Variants in MAP3K5 observed in about 807,000 individuals in gnomAD.
The protein encoded by MAP3K5 is mitogen-activated protein kinase kinase kinase 5.
MAP3K5 carries 56 observed loss-of-function variants against 158.7 expected under a neutral mutation model. The ratio of observed to expected loss-of-function variants is 0.35; its 90% CI spans 0.28 to 0.44. The LOEUF is 0.44. MAP3K5 is among the 20% of genes least tolerant of loss of function. The probability of loss-of-function intolerance (pLI) is 1.00; values close to 1 mark genes in which losing one functional copy is unlikely to be tolerated. For missense variants in MAP3K5, 1,294 were observed against 1,674.8 expected, an observed-to-expected ratio of 0.77 and a Z score of 3.97; for synonymous variants, 579 against 601.7, an observed-to-expected ratio of 0.96 and a Z score of 0.55.
chr6:136,778,950 G>C (rs1244288956), intron 1 of MAP3K5, among the ~76,000 whole-genome samples: 1 of 152,156 alleles, frequency 6.6e-6, no homozygotes, highest in Non-Finnish European at 1.5e-5. Context: ...AGGATCACTT[G>C]ACCTCAGGAG....
chr6:136,733,913 G>T (rs1782338385), intron 1 of MAP3K5, among the ~76,000 whole-genome samples: 1 of 152,000 alleles, frequency 6.6e-6, no homozygotes, highest in Admixed American at 6.6e-5. Context: ...CATAATTATA[G>T]GATCATACAG....
chr6:136,621,955 A>G (rs1021729213), intron 15 of MAP3K5, among the ~76,000 whole-genome samples: 5 of 152,040 alleles, frequency 3.3e-5, no homozygotes, highest in African/African-American at 9.6e-5. Flanking sequence ...GCGTGGTGGC[A>G]GGCACCTGTA....
intron 26 of MAP3K5, 97 bp from the exon 27 acceptor site, chr6:136,562,712 C>A: frequency 1.6e-6 from 1 of 606,934 alleles, no homozygotes. Flanking sequence ...CTCTCTGTTG[C>A]CTAGGCTGAG....
At chr6:136,698,877 C>T (rs1214957079) in intron 3 of MAP3K5, among the ~76,000 whole-genome samples, 195 bp from the exon 4 acceptor site, 1 of 152,132 alleles carries the variant, frequency 6.6e-6, no homozygotes, top group African/African-American at 2.4e-5. Flanking sequence ...TTAGGACTTA[C>T]AGATGATACC....
chr6:136,659,807 C>T (rs772276647), intron 8 of MAP3K5, among the ~76,000 whole-genome samples: 26 of 152,116 alleles, frequency 1.7e-4, no homozygotes, highest in Non-Finnish European at 2.5e-4. Context: ...GTGTTGGCTG[C>T]GTAACAGTGC....
chr6:136,792,485 TGCGCCGCGGTGCAGCTCAAGG>T, upstream of MAP3K5: 1 of 638,990 alleles, frequency 1.6e-6, no homozygotes, highest in African/African-American at 2.0e-5. The surrounding 1 kb of genome is among the most constrained non-coding windows in gnomAD (Gnocchi z 5.7). Context: ...CTCGCAAACC[TGCGCCGCGGTGCAGCTCAAGG>T]GCGCCGCGCT....
chr6:136,696,626 T>C (rs750177986), intron 5 of MAP3K5, among the ~76,000 whole-genome samples: 3 of 152,216 alleles, frequency 2.0e-5, no homozygotes, highest in Non-Finnish European at 4.4e-5. Context: ...ATTTTACTAT[T>C]AAAACCTAAG....
intron 8 of MAP3K5, among the ~76,000 whole-genome samples, chr6:136,668,038 CT>C (rs1032598141): frequency 7.2e-5 from 11 of 151,818 alleles, no homozygotes; most frequent in South Asian, 2.1e-4. Flanking sequence ...AAAATAATGT[CT>C]TTTTTTTAAA....
At chr6:136,749,372 CAAAAAAA>C (rs568913197) in intron 1 of MAP3K5, among the ~76,000 whole-genome samples, 1 of 87,532 alleles carries the variant, frequency 1.1e-5, no homozygotes, top group Non-Finnish European at 2.4e-5. Context: ...AACTCTGTAT[CAAAAAAA>C]AAAAAAAAAA....
intron 2 of MAP3K5, among the ~76,000 whole-genome samples, chr6:136,716,245 T>C (rs545622280): frequency 1.3e-5 from 2 of 152,120 alleles, no homozygotes; most frequent in East Asian, 3.9e-4. Context: ...TATTATTAAA[T>C]ATTCCCAAAT....
intron 11 of MAP3K5, among the ~76,000 whole-genome samples, chr6:136,650,256 C>T (rs74474073): frequency 0.013 from 1,952 of 152,226 alleles, 51 homozygotes; most frequent in African/African-American, 0.043. Context: ...GAAACAGTTA[C>T]GAGAAAGAAA....
At position 136,561,626 on chromosome 6, in the gene MAP3K5, T is replaced by C; in HGVS notation, c.3894A>G (p.Val1298=). The change falls in exon 28 of 30, where the codon GTA becomes GTG. Residue 1298 remains valine (V), a synonymous_variant. Transcript: ENST00000359015. Reference sequence around the variant, plus strand: ...TTGTGCCAGAAGAATTTAGATGAAATACAGGCAATTCAGGAATTTCTAGAA... The same window carrying C: ...TTGTGCCAGAAGAATTTAGATGAAACACAGGCAATTCAGGAATTTCTAGAA... ...SQPIEIPELP[V]FHLNSSGTNT... 1 of 1,609,236 alleles carries C rather than the reference T, an allele frequency of 6.2e-7. No homozygotes were observed. The highest frequency in any genetic ancestry group is 8.5e-7 in the Non-Finnish European group (1 of 1,175,562).
At chr6:136,595,279 G>A (rs922312968) in intron 21 of MAP3K5, among the ~76,000 whole-genome samples, 2 of 152,118 alleles carry the variant, frequency 1.3e-5, no homozygotes, top group Admixed American at 6.5e-5. Context: ...CACCACCCCT[G>A]GCTAATTTTT....
intron 1 of MAP3K5, among the ~76,000 whole-genome samples, chr6:136,769,268 T>C (rs968399465): frequency 1.3e-5 from 2 of 152,218 alleles, no homozygotes; most frequent in African/African-American, 4.8e-5. Context: ...CCACATATTG[T>C]ATGATTCCAC....
At chr6:136,688,789 T>C (rs567073272) in intron 7 of MAP3K5, among the ~76,000 whole-genome samples, 2 of 152,356 alleles carry the variant, frequency 1.3e-5, no homozygotes, top group East Asian at 1.9e-4. Flanking sequence ...TCATAGGAGA[T>C]GTTTTTTATC....
intron 1 of MAP3K5, among the ~76,000 whole-genome samples, chr6:136,738,502 T>G (rs1329467055): frequency 6.6e-6 from 1 of 152,160 alleles, no homozygotes; most frequent in Non-Finnish European, 1.5e-5. Context: ...AAAAGGCTTC[T>G]GAATAATAAA....
intron 7 of MAP3K5, among the ~76,000 whole-genome samples, chr6:136,674,602 C>A (rs1779625669): frequency 6.6e-6 from 1 of 151,738 alleles, no homozygotes; most frequent in Non-Finnish European, 1.5e-5. Context: ...TGATATAGCC[C>A]CAACTATCAG....
intron 27 of MAP3K5, 27 bp from the exon 28 acceptor site, chr6:136,561,672 CT>C: frequency 1.5e-6 from 2 of 1,306,876 alleles, no homozygotes; most frequent in Non-Finnish European, 2.2e-6. Flanking sequence ...GGAAGATATT[CT>C]TAATTTCACC....
At chr6:136,758,268 C>A (rs1783593408) in intron 1 of MAP3K5, among the ~76,000 whole-genome samples, 1 of 152,038 alleles carries the variant, frequency 6.6e-6, no homozygotes, top group African/African-American at 2.4e-5. Flanking sequence ...TTTTAGAGCA[C>A]TAAAAAAAAT....
Sources: gnomAD v4.1 joint callset for allele counts (sites outside exome capture counted in the v4.1 genomes callset) on GRCh38, gnomAD v4.1.1 for gene constraint, Gnocchi (gnomAD v3.1) non-coding constraint, MANE v1.5 for transcripts, NCBI Gene and HGNC (gene_info 2026-07-23, HGNC 2026-07-21) for gene names.